Variants in RBFOX3 observed in about 807,000 individuals in gnomAD.
The protein encoded by RBFOX3 is RNA binding protein fox-1 homolog 3.
RBFOX3 carries 17 observed loss-of-function variants against 48.7 expected under a neutral mutation model. The observed-to-expected ratio is 0.35, with a 90% confidence interval of 0.24 to 0.52. The LOEUF is 0.52. Ranked by LOEUF, RBFOX3 falls within the 20% of genes least tolerant of loss-of-function variation. RBFOX3 has a pLI of 0.94. For synonymous variants in RBFOX3, 212 were observed against 209.5 expected (o/e 1.01, Z -0.10); for missense variants, 382 against 497.5 (o/e 0.77, Z 2.21).
intron 1 of RBFOX3, among the ~76,000 whole-genome samples, chr17:79,506,735 T>A (rs2083192648): frequency 6.6e-6 from 1 of 152,144 alleles, no homozygotes; most frequent in Non-Finnish European, 1.5e-5. Flanking sequence ...TCAGTGAGTC[T>A]GGATGGGAGA....
chr17:79,327,139 A>G (rs12940295), intron 2 of RBFOX3, among the ~76,000 whole-genome samples: 1 of 151,860 alleles, frequency 6.6e-6, no homozygotes, highest in South Asian at 2.1e-4. Flanking sequence ...GGTACCCCCC[A>G]CACCTTCCCC....
chr17:79,209,642 C>G (rs1025351955), intron 4 of RBFOX3, among the ~76,000 whole-genome samples: 1 of 152,122 alleles, frequency 6.6e-6, no homozygotes, highest in Non-Finnish European at 1.5e-5. Flanking sequence ...ATAAGCAGGA[C>G]GAGGTTGCCT....
chr17:79,652,947 G>A, the RBFOX3 span, among the ~76,000 whole-genome samples: 1 of 151,832 alleles, frequency 6.6e-6, no homozygotes, highest in Non-Finnish European at 1.5e-5. Context: ...CCAGAGAGAA[G>A]AAAATGGGGC....
At chr17:79,130,712 C>T (rs1174181016) in intron 4 of RBFOX3, among the ~76,000 whole-genome samples, 1 of 152,236 alleles carries the variant, frequency 6.6e-6, no homozygotes, top group Non-Finnish European at 1.5e-5. Context: ...AAGCCTGGGT[C>T]TCACAGAGCC....
At chr17:79,405,629 G>A (rs777382213) in intron 2 of RBFOX3, among the ~76,000 whole-genome samples, 2 of 152,194 alleles carry the variant, frequency 1.3e-5, no homozygotes, top group Non-Finnish European at 2.9e-5. Flanking sequence ...GCTGAGGCAG[G>A]AGAATCGCTT....
chr17:79,330,490 CA>C (rs2080090572), intron 2 of RBFOX3, among the ~76,000 whole-genome samples: 3 of 152,090 alleles, frequency 2.0e-5, no homozygotes, highest in African/African-American at 7.2e-5. Flanking sequence ...AATCTTGGGT[CA>C]TTCCTGCAGA....
At chr17:79,264,498 C>T (rs2066345723) in intron 3 of RBFOX3, among the ~76,000 whole-genome samples, 1 of 152,058 alleles carries the variant, frequency 6.6e-6, no homozygotes, top group Non-Finnish European at 1.5e-5. Context: ...AGTCACTGCA[C>T]CCGGCTCCTG....
chr17:79,431,669 G>C (rs2068484889), intron 2 of RBFOX3, among the ~76,000 whole-genome samples: 1 of 152,120 alleles, frequency 6.6e-6, no homozygotes, highest in Non-Finnish European at 1.5e-5. Context: ...ATCTTTAGTA[G>C]AGACAGGGTT....
chr17:79,113,948 T>C (rs1321450317), intron 5 of RBFOX3, among the ~76,000 whole-genome samples: 1 of 152,170 alleles, frequency 6.6e-6, no homozygotes, highest in Non-Finnish European at 1.5e-5. Context: ...CTCGGTTCTG[T>C]TGTTCAGTTA....
intron 2 of RBFOX3, among the ~76,000 whole-genome samples, chr17:79,346,863 T>C (rs2083013121): frequency 6.6e-6 from 1 of 152,188 alleles, no homozygotes. Context: ...CTTCTATTTG[T>C]GTGTGTTTGC....
intron 3 of RBFOX3, among the ~76,000 whole-genome samples, chr17:79,294,296 C>T (rs1348191436): frequency 7.9e-5 from 12 of 152,140 alleles, no homozygotes. Flanking sequence ...CTGTGCCGGA[C>T]TCCGGTAGCA....
intron 1 of RBFOX3, among the ~76,000 whole-genome samples, chr17:79,608,512 A>G (rs2093888990): frequency 1.3e-5 from 2 of 151,618 alleles, no homozygotes; most frequent in African/African-American, 4.9e-5. Flanking sequence ...GAAATGGACA[A>G]CTCACCCCAG....
rs182356894 is a variant in RBFOX3 at position 79,243,899 on chromosome 17, C to T, written c.-73-8094G>A. Among the ~76,000 whole-genome samples, 47 of 152,150 alleles carry T rather than the reference C, an allele frequency of 3.1e-4. No homozygotes were observed. The highest frequency in any genetic ancestry group is 1.4e-3 in the Admixed American group (21 of 15,278). ...CCACTGAGGATGCAGAAATGGCCTG[C>T]GGTCCCAGAGGTAGGGGGCAGGTGG... On this transcript the variant is annotated intron_variant, in intron 3 of 14. Coordinates refer to ENST00000693108, the MANE Select transcript of RBFOX3 (RefSeq NM_001350451.2). The surrounding 1 kb of genome is among the most constrained non-coding windows in gnomAD (Gnocchi z 7.9).
At chr17:79,208,225 A>G (rs1464325246) in intron 4 of RBFOX3, among the ~76,000 whole-genome samples, 1 of 152,206 alleles carries the variant, frequency 6.6e-6, no homozygotes, top group Non-Finnish European at 1.5e-5. Context: ...TGTGGCTCTC[A>G]AGACAGGATT....
chr17:79,554,332 T>A, intron 1 of RBFOX3, among the ~76,000 whole-genome samples: 1 of 151,988 alleles, frequency 6.6e-6, no homozygotes, highest in Non-Finnish European at 1.5e-5. Flanking sequence ...GCCCTCTCCA[T>A]CCTCACTCAC....
intron 2 of RBFOX3, among the ~76,000 whole-genome samples, chr17:79,378,901 G>T (rs78711042): frequency 1.3e-5 from 2 of 152,172 alleles, no homozygotes; most frequent in Non-Finnish European, 2.9e-5. Flanking sequence ...TCTGGTCACC[G>T]GCACCTGCTA....
chr17:79,512,211 G>A (rs2084404182), intron 1 of RBFOX3, among the ~76,000 whole-genome samples: 1 of 143,470 alleles, frequency 7.0e-6, no homozygotes, highest in East Asian at 2.1e-4. Context: ...CATGGCCAGG[G>A]GACGCACACC....
chr17:79,528,069 T>G (rs1439834305), intron 1 of RBFOX3, among the ~76,000 whole-genome samples: 1 of 151,388 alleles, frequency 6.6e-6, no homozygotes, highest in African/African-American at 2.5e-5. Flanking sequence ...AGGATCTTAG[T>G]TGAAACCCTG....
intron 1 of RBFOX3, among the ~76,000 whole-genome samples, chr17:79,557,823 T>A (rs1414965837): frequency 6.6e-6 from 1 of 152,112 alleles, no homozygotes; most frequent in Non-Finnish European, 1.5e-5. Flanking sequence ...TTGTTTAATA[T>A]CCAAGCTAAT....
Sources: gnomAD v4.1 joint callset for allele counts (sites outside exome capture counted in the v4.1 genomes callset) on GRCh38, gnomAD v4.1.1 for gene constraint, Gnocchi (gnomAD v3.1) non-coding constraint, MANE v1.5 for transcripts, NCBI Gene and HGNC (gene_info 2026-07-23, HGNC 2026-07-21) for gene names.